Variants in PDE1A observed in about 807,000 individuals in gnomAD.
PDE1A encodes phosphodiesterase 1A, also known as dual specificity calcium/calmodulin-dependent 3',5'-cyclic nucleotide phosphodiesterase 1A.
A neutral mutation model predicts 61.7 loss-of-function variants in PDE1A; 35 were observed. The observed-to-expected ratio is 0.57, with a 90% CI of 0.43 to 0.75. PDE1A has a LOEUF of 0.75. Among genes scored for constraint, PDE1A ranks in the 30% least tolerant of loss-of-function variants. PDE1A has a pLI of 0.00. For missense variants in PDE1A, 597 were observed against 630.6 expected, an observed-to-expected ratio of 0.95 and a Z score of 0.57; for synonymous variants, 232 against 213.2, an observed-to-expected ratio of 1.09 and a Z score of -0.77.
intron 1 of PDE1A, among the ~76,000 whole-genome samples, chr2:182,279,621 T>C (rs2125845900): frequency 6.6e-6 from 1 of 152,042 alleles, no homozygotes; most frequent in East Asian, 1.9e-4. Flanking sequence ...TTGGTCTTTC[T>C]CATTCTTTGA....
At chr2:182,626,083 T>G in the PDE1A span, among the ~76,000 whole-genome samples, 5 of 152,290 alleles carry the variant, frequency 3.3e-5, no homozygotes, top group African/African-American at 1.2e-4. Context: ...CTGCTGCCTT[T>G]GAAATCTGCA....
At chr2:182,661,681 A>C in the PDE1A span, among the ~76,000 whole-genome samples, 1 of 152,184 alleles carries the variant, frequency 6.6e-6, no homozygotes, top group Non-Finnish European at 1.5e-5. Flanking sequence ...CCTACAAGAA[A>C]CTATAGACAA....
chr2:182,461,780 C>T (rs1187389539), intron 2 of PDE1A, among the ~76,000 whole-genome samples: 1 of 152,130 alleles, frequency 6.6e-6, no homozygotes, highest in Non-Finnish European at 1.5e-5. Context: ...AGATTTGTTT[C>T]CTCTGCATAT....
chr2:182,353,156 G>A (rs1698985796), intron 1 of PDE1A, among the ~76,000 whole-genome samples: 1 of 152,144 alleles, frequency 6.6e-6, no homozygotes, highest in Admixed American at 6.6e-5. Context: ...TGGCAAAGTA[G>A]ACAGGCCCAG....
At chr2:182,244,077 G>A (rs1468306546) in intron 2 of PDE1A, among the ~76,000 whole-genome samples, 38 of 152,112 alleles carry the variant, frequency 2.5e-4, no homozygotes, top group Non-Finnish European at 4.4e-5. Flanking sequence ...ATGTTGGTCA[G>A]GCTGGTCTCG....
At chr2:182,350,227 G>T (rs893261834) in intron 1 of PDE1A, among the ~76,000 whole-genome samples, 1 of 152,154 alleles carries the variant, frequency 6.6e-6, no homozygotes, top group Admixed American at 6.5e-5. Flanking sequence ...GGAGATTAAT[G>T]TATCTTGTTG....
the PDE1A span, among the ~76,000 whole-genome samples, chr2:182,657,301 G>C: frequency 6.6e-6 from 1 of 152,226 alleles, no homozygotes; most frequent in Middle Eastern, 3.4e-3. Context: ...ATAGTTGCTT[G>C]AGCCAAGTAA....
At chr2:182,597,268 T>C in the PDE1A span, among the ~76,000 whole-genome samples, 1 of 152,114 alleles carries the variant, frequency 6.6e-6, no homozygotes, top group Non-Finnish European at 1.5e-5. Context: ...AATCTTAGAA[T>C]TGCTGAGGAA....
the PDE1A span, among the ~76,000 whole-genome samples, chr2:182,678,096 T>A: frequency 3.9e-5 from 6 of 152,222 alleles, no homozygotes; most frequent in East Asian, 1.2e-3. Context: ...CTATTTCAGA[T>A]TGTATAGGAT....
intron 13 of PDE1A, among the ~76,000 whole-genome samples, chr2:182,161,587 C>G (rs1227021397): frequency 6.6e-6 from 1 of 152,062 alleles, no homozygotes; most frequent in East Asian, 1.9e-4. Context: ...CCGGGCAAGA[C>G]AATGCTGATT....
At chr2:182,522,757 A>G (rs545686758), upstream of PDE1A, 13 of 744,068 alleles carry the variant, frequency 1.7e-5, no homozygotes, top group African/African-American at 1.9e-5. Context: ...TACGAGCTCT[A>G]TTATGCACAA....
Position 182,387,422 on chromosome 2 carries a change from A to G in PDE1A, c.53+39156T>C, listed in dbSNP as rs533062052. 2.0e-5 allele frequency among the ~76,000 whole-genome samples: 3 copies of G among 152,220 alleles called. No individual in the cohort carries two copies. The East Asian group carries it at 5.8e-4, about 29-fold the overall frequency. The stretch of plus-strand genomic sequence containing the variant: ...CACCCAAGAATGATCAATAAAAAAA[A>G]AAAAAGAAGAAAGAAAGAGAGAAAG... On this transcript the variant is annotated intron_variant, in intron 1 of 13. Coordinates refer to ENST00000351439, the Ensembl canonical transcript of PDE1A.
At chr2:182,485,822 A>G (rs866620464) in intron 2 of PDE1A, among the ~76,000 whole-genome samples, 2 of 152,034 alleles carry the variant, frequency 1.3e-5, no homozygotes, top group Non-Finnish European at 2.9e-5. Flanking sequence ...AATTCAACAA[A>G]CAAAGCATAG....
chr2:182,216,136 C>T (rs1218783444), intron 7 of PDE1A, among the ~76,000 whole-genome samples: 1 of 82,366 alleles, frequency 1.2e-5, no homozygotes, highest in Non-Finnish European at 2.5e-5. Context: ...AAATGTAATC[C>T]GGCATATAAA....
At chr2:182,582,533 G>A in the PDE1A span, among the ~76,000 whole-genome samples, 1 of 152,234 alleles carries the variant, frequency 6.6e-6, no homozygotes, top group Non-Finnish European at 1.5e-5. Context: ...ACTAAGACTT[G>A]ATCAATATGT....
chr2:182,233,736 C>T (rs1224326180), intron 4 of PDE1A, among the ~76,000 whole-genome samples: 2 of 151,312 alleles, frequency 1.3e-5, no homozygotes, highest in African/African-American at 4.9e-5. Flanking sequence ...TACAAAATGC[C>T]TCTGTAGAAA....
chr2:182,694,943 T>C, the PDE1A span, among the ~76,000 whole-genome samples: 3 of 151,772 alleles, frequency 2.0e-5, no homozygotes, highest in South Asian at 6.2e-4. Context: ...CTACTTAATA[T>C]ACTATCCCAT....
At chr2:182,559,788 C>A in the PDE1A span, among the ~76,000 whole-genome samples, 1 of 152,156 alleles carries the variant, frequency 6.6e-6, no homozygotes, top group South Asian at 2.1e-4. Context: ...ACTATATGTA[C>A]AGCCATCAGA....
chr2:182,152,450 C>T lies in PDE1A; in HGVS notation c.1517-5298G>A, dbSNP rs1467552340. Among the ~76,000 whole-genome samples, 28 of 120,168 alleles carry T rather than the reference C, an allele frequency of 2.3e-4. No individual in the cohort carries two copies. In the East Asian group the frequency reaches 3.6e-3, roughly 15 times the overall value. The allele number at this position is 120,168 out of a possible 152,430, so 78.8% of individuals were successfully genotyped here. On this transcript the variant is annotated intron_variant, in intron 13 of 13. Coordinates refer to the PDE1A transcript ENST00000409365. ...TTTTTTTTTTTTTGAGATGGAGTCTCGCTCTTGTTGCCCAGGCTGGAGTGC... is the reference window on the plus strand; with the variant it reads ...TTTTTTTTTTTTTGAGATGGAGTCTTGCTCTTGTTGCCCAGGCTGGAGTGC...
Sources: allele counts gnomAD v4.1 joint callset (sites outside exome capture counted in the v4.1 genomes callset), GRCh38; gene constraint gnomAD v4.1.1; transcripts MANE v1.5; gene names NCBI Gene and HGNC (gene_info 2026-07-23, HGNC 2026-07-21).